Variants in ACTN4 observed in about 807,000 individuals in gnomAD.
The protein encoded by ACTN4 is actinin alpha 4.
ACTN4 carries 18 observed loss-of-function variants against 114.2 expected under a neutral mutation model. The ratio of observed to expected loss-of-function variants is 0.16; its 90% confidence interval spans 0.11 to 0.23. The LOEUF (loss-of-function observed/expected upper bound fraction) is 0.23, where lower values mean the gene tolerates loss of function less well. ACTN4 is among the 10% of genes least tolerant of loss of function. The probability of loss-of-function intolerance (pLI) is 1.00; values close to 1 mark genes in which losing one functional copy is unlikely to be tolerated. For synonymous variants in ACTN4, 515 were observed against 506.3 expected (o/e 1.02, Z -0.23); for missense variants, 722 against 1,262.9 (o/e 0.57, Z 6.49).
At chr19:38,696,499 A>G (rs947191127) in intron 1 of ACTN4, among the ~76,000 whole-genome samples, 9 of 152,166 alleles carry the variant, frequency 5.9e-5, no homozygotes, top group African/African-American at 2.2e-4. Context: ...GGATGGAAGC[A>G]GAGTGTTATT....
In ACTN4 at chr19:38,730,883, G is replaced by A. The variant is rs1171292116; in HGVS notation, c.*1451G>A. 6 of 1,551,476 alleles carry A rather than the reference G, an allele frequency of 3.9e-6. No individual in the cohort carries two copies. The Admixed American group carries it at 1.2e-4, about 30-fold the overall frequency. Reference sequence around the variant, plus strand: ...GAAGGTGGCCACCTCCATCCACTAAGGAAGAGAAGGAAGACAGTGGCTTGA... The same window carrying A: ...GAAGGTGGCCACCTCCATCCACTAAAGAAGAGAAGGAAGACAGTGGCTTGA... On this transcript the variant is annotated 3_prime_UTR_variant, in exon 21 of 21. Transcript: ENST00000252699.
intron 1 of ACTN4, among the ~76,000 whole-genome samples, chr19:38,684,939 CTTTT>C (rs1967695331): frequency 1.3e-5 from 2 of 151,844 alleles, no homozygotes; most frequent in African/African-American, 4.8e-5. Flanking sequence ...ACCCAAATGG[CTTTT>C]TGTTTGTTTG....
rs998465008 is a variant in ACTN4 at position 38,731,535 on chromosome 19, G to T, written c.*2103G>T. 1 of 430,500 alleles carries T rather than the reference G, an allele frequency of 2.3e-6. No homozygotes were observed. Among genetic ancestry groups the T allele is most frequent in the East Asian group, 4.3e-5 (1 of 23,396 alleles). The allele number at this position is 430,500 out of a possible 1,614,324, so 26.7% of individuals were successfully genotyped here. On this transcript the variant is annotated 3_prime_UTR_variant, in exon 21 of 21. Coordinates refer to ENST00000252699, the MANE Select transcript of ACTN4 (RefSeq NM_004924.6). The stretch of plus-strand genomic sequence containing the variant: ...ATCCTGTGGGGCTTTCTCCTTGCCA[G>T]TGGGCACTGGAGGATATTTCTGTGC...
rs60710743 is a variant in ACTN4 at position 38,706,142 on chromosome 19, G to A, written c.572+11G>A. On this transcript the variant is annotated intron_variant, in intron 5 of 20. Transcript: ENST00000252699. Reference sequence around the variant, plus strand: ...GAACTTCCACATCAGGTAAGCGCCAGTCCTGGTCATCCTCTCCTTTCCTCT... The same window carrying A: ...GAACTTCCACATCAGGTAAGCGCCAATCCTGGTCATCCTCTCCTTTCCTCT... 85 of 1,612,340 alleles carry A rather than the reference G, an allele frequency of 5.3e-5. 1 individual carries two copies. In the East Asian group the frequency reaches 1.8e-3, roughly 34 times the overall value.
chr19:38,722,256 C>T (rs1444475383), intron 12 of ACTN4, among the ~76,000 whole-genome samples: 2 of 152,186 alleles, frequency 1.3e-5, no homozygotes, highest in Non-Finnish European at 2.9e-5. Context: ...AGTGCAGCGG[C>T]CAGCAGCAGG....
At chr19:38,673,692 T>C (rs1240432836) in intron 1 of ACTN4, among the ~76,000 whole-genome samples, 1 of 74,572 alleles carries the variant, frequency 1.3e-5, no homozygotes, top group Non-Finnish European at 2.7e-5. Flanking sequence ...TTATATATAT[T>C]ATATATATTT....
At position 38,701,013 on chromosome 19, in the gene ACTN4, C is replaced by A; in HGVS notation, c.289C>A (p.Pro97Thr). The A allele has an allele frequency of 6.2e-7, 1 of 1,613,998 alleles. No homozygotes were observed. Reference sequence around the variant, plus strand: ...TGTGCACTTCTCAGGGGAGCGGTTACCTAAGCCGGAGCGGGGGAAGATGAG... The same window carrying A: ...TGTGCACTTCTCAGGGGAGCGGTTAACTAAGCCGGAGCGGGGGAAGATGAG... ...LLEVISGERL[P>T]KPERGKMRVH... Residue 97 changes from proline (P) to threonine (T), a missense_variant, in exon 3 of 21, where the codon CCT becomes ACT. This residue lies in a region of ACTN4 where 127 missense variants were observed against 311.3 expected (regional missense o/e 0.41). Coordinates refer to ENST00000252699, the MANE Select transcript of ACTN4 (RefSeq NM_004924.6).
intron 1 of ACTN4, among the ~76,000 whole-genome samples, chr19:38,699,385 G>T (rs1968194594): frequency 6.6e-6 from 1 of 152,196 alleles, no homozygotes; most frequent in South Asian, 2.1e-4. Context: ...CTTAGATGCG[G>T]CTGCCTGACC....
intron 1 of ACTN4, among the ~76,000 whole-genome samples, chr19:38,687,321 G>T (rs1339628276): frequency 6.6e-6 from 1 of 152,170 alleles, no homozygotes; most frequent in Non-Finnish European, 1.5e-5. Context: ...GAACAAGGGG[G>T]TTGGATTAGA....
intron 1 of ACTN4, among the ~76,000 whole-genome samples, chr19:38,695,524 G>A (rs994683852): frequency 2.0e-5 from 3 of 152,146 alleles, no homozygotes; most frequent in Non-Finnish European, 4.4e-5. Flanking sequence ...TTCTCTCAGG[G>A]GCTCTTCACC....
rs565603564 is a variant in ACTN4, at chr19:38,663,354, A to T, written c.162+15447A>T. On this transcript the variant is annotated intron_variant, in intron 1 of 20. Coordinates refer to ENST00000252699, the MANE Select transcript of ACTN4 (RefSeq NM_004924.6). ...CTCTTCAGAGCAGAGCTCTGTGCCG[A>T]GCCTTTAGGGGTATGAGAGAAACCG... 8.5e-5 allele frequency among the ~76,000 whole-genome samples: 13 copies of T among 152,266 alleles called. No individual in the cohort carries two copies. The East Asian group carries it at 2.5e-3, about 29-fold the overall frequency.
intron 1 of ACTN4, among the ~76,000 whole-genome samples, chr19:38,682,593 C>T (rs1458183119): frequency 2.0e-5 from 3 of 152,198 alleles, no homozygotes; most frequent in African/African-American, 4.8e-5. Flanking sequence ...AACCCTCACC[C>T]AAGCCACCAC....
chr19:38,651,976 C>T (rs1288036450), intron 1 of ACTN4, among the ~76,000 whole-genome samples: 4 of 152,078 alleles, frequency 2.6e-5, no homozygotes, highest in Admixed American at 6.6e-5. Context: ...CCAAGTGATC[C>T]GCCTGCCTCG....
intron 3 of ACTN4, among the ~76,000 whole-genome samples, chr19:38,703,392 C>T (rs1466112891): frequency 6.6e-6 from 1 of 151,528 alleles, no homozygotes; most frequent in Non-Finnish European, 1.5e-5. Context: ...GCACCCGCCA[C>T]CACGCCAGGC....
intron 1 of ACTN4, among the ~76,000 whole-genome samples, chr19:38,672,943 C>CT (rs35501640): frequency 0.1 from 12,322 of 122,890 alleles, 791 homozygotes; most frequent in East Asian, 0.33. Context: ...GCCATCCATT[C>CT]TTTTTTTTTT....
chr19:38,721,783 G>T (rs1180360137), intron 12 of ACTN4, 95 bp downstream of exon 12: 1 of 1,561,900 alleles, frequency 6.4e-7, no homozygotes, highest in African/African-American at 1.4e-5. Flanking sequence ...CCTGCCTCAA[G>T]GCCTGGAATA....
Position 38,731,063 on chromosome 19 carries a change from G to A in ACTN4, c.*1631G>A, listed in dbSNP as rs368347215. The A allele has an allele frequency of 1.1e-4, 174 of 1,555,662 alleles. No individual in the cohort carries two copies. Among genetic ancestry groups the A allele is most frequent in the East Asian group, 7.9e-4 (33 of 41,856 alleles). The stretch of plus-strand genomic sequence containing the variant: ...GCAGGGTGAGTGCCCACCAGTCCCC[G>A]TACCCCTTCCCCCCATGCCCCACCA... On this transcript the variant is annotated 3_prime_UTR_variant, in exon 21 of 21. Coordinates refer to ENST00000252699, the MANE Select transcript of ACTN4 (RefSeq NM_004924.6).
chr19:38,668,399 G>A (rs1470684681), intron 1 of ACTN4, among the ~76,000 whole-genome samples: 1 of 152,146 alleles, frequency 6.6e-6, no homozygotes, highest in Non-Finnish European at 1.5e-5. Flanking sequence ...AAAGATGGAC[G>A]ATGAAGGGCC....
At chr19:38,705,831 TG>T (rs1968440972) in intron 4 of ACTN4, among the ~76,000 whole-genome samples, 1 of 152,002 alleles carries the variant, frequency 6.6e-6, no homozygotes, top group Admixed American at 6.6e-5. Flanking sequence ...AGCAGGGCCG[TG>T]TGTCCTGGCA....
Sources: allele counts gnomAD v4.1 joint callset (sites outside exome capture counted in the v4.1 genomes callset), GRCh38; gene constraint gnomAD v4.1.1; regional missense constraint gnomAD v4.1.1; transcripts MANE v1.5; gene names NCBI Gene and HGNC (gene_info 2026-07-23, HGNC 2026-07-21).